Variants in EXOC4 observed in about 807,000 individuals in gnomAD.
EXOC4 encodes the protein SEC8-like 1.
In EXOC4, 71 loss-of-function variants were observed where a neutral mutation model predicts 107.2. The observed-to-expected ratio is 0.66, with a 90% CI of 0.55 to 0.81. The LOEUF (loss-of-function observed/expected upper bound fraction) is 0.81. Ranked by LOEUF, EXOC4 falls within the 30% of genes least tolerant of loss-of-function variation. The pLI is 0.00. For missense variants in EXOC4, 1,108 were observed against 1,189.6 expected, an observed-to-expected ratio of 0.93 and a Z score of 1.01; for synonymous variants, 456 against 441.2, an observed-to-expected ratio of 1.03 and a Z score of -0.42.
At chr7:133,870,380 A>G (rs1479555910) in intron 11 of EXOC4, among the ~76,000 whole-genome samples, 3 of 152,184 alleles carry the variant, frequency 2.0e-5, no homozygotes, top group East Asian at 1.9e-4. Context: ...GATTCTGGGG[A>G]AAACTTGAGT....
chr7:133,858,784 T>C (rs935845327), intron 11 of EXOC4, among the ~76,000 whole-genome samples: 5 of 152,158 alleles, frequency 3.3e-5, no homozygotes, highest in African/African-American at 1.2e-4. Flanking sequence ...CCAAAACCTA[T>C]AGAATTAAAT....
At chr7:133,886,186 A>G (rs1181569170) in intron 11 of EXOC4, among the ~76,000 whole-genome samples, 1 of 152,248 alleles carries the variant, frequency 6.6e-6, no homozygotes, top group Non-Finnish European at 1.5e-5. Flanking sequence ...TGAATACTGC[A>G]TTGGCCTCTT....
chr7:134,078,479 G>A, the EXOC4 span, among the ~76,000 whole-genome samples: 3 of 151,994 alleles, frequency 2.0e-5, no homozygotes, highest in Middle Eastern at 6.8e-3. Flanking sequence ...TTTTCCTTAG[G>A]AACTTTCTAT....
chr7:133,572,289 G>C (rs373196823), intron 9 of EXOC4, among the ~76,000 whole-genome samples: 1 of 152,114 alleles, frequency 6.6e-6, no homozygotes, highest in East Asian at 1.9e-4. Context: ...TCAGATTCTT[G>C]TCTGAAATGC....
chr7:133,528,292 A>G (rs1161023251), intron 9 of EXOC4, among the ~76,000 whole-genome samples: 3 of 152,188 alleles, frequency 2.0e-5, no homozygotes, highest in Non-Finnish European at 4.4e-5. Flanking sequence ...AAAGTCCTCT[A>G]GATTCGAGAG....
At chr7:133,412,738 A>C (rs978051951) in intron 7 of EXOC4, among the ~76,000 whole-genome samples, 2 of 152,144 alleles carry the variant, frequency 1.3e-5, no homozygotes, top group African/African-American at 2.4e-5. Context: ...AGAAAAAAGT[A>C]GTAATCATAG....
chr7:134,031,241 C>T (rs915679094), intron 17 of EXOC4, among the ~76,000 whole-genome samples: 22 of 152,152 alleles, frequency 1.4e-4, no homozygotes, highest in Admixed American at 1.3e-3. Context: ...TTGAATTTTA[C>T]ACTTTAAATT....
At chr7:133,532,080 T>C (rs1800191057) in intron 9 of EXOC4, among the ~76,000 whole-genome samples, 1 of 152,082 alleles carries the variant, frequency 6.6e-6, no homozygotes, top group African/African-American at 2.4e-5. Context: ...TTGTGTAGAA[T>C]TCTCTACTTG....
intron 9 of EXOC4, among the ~76,000 whole-genome samples, chr7:133,555,338 T>C (rs1003909852): frequency 3.3e-5 from 5 of 152,228 alleles, no homozygotes; most frequent in Non-Finnish European, 7.3e-5. Context: ...AGCTATATTT[T>C]TCTTTATAGT....
At chr7:133,813,134 G>A (rs756716247) in intron 10 of EXOC4, among the ~76,000 whole-genome samples, 7 of 152,066 alleles carry the variant, frequency 4.6e-5, no homozygotes, top group Non-Finnish European at 8.8e-5. Flanking sequence ...TATGCTTTAA[G>A]GAAAAAATGA....
intron 5 of EXOC4, among the ~76,000 whole-genome samples, chr7:133,344,641 C>T (rs1401328972): frequency 6.6e-6 from 1 of 152,096 alleles, no homozygotes; most frequent in East Asian, 1.9e-4. Context: ...TTTTTTATTT[C>T]CCAGAAGCTA....
intron 9 of EXOC4, among the ~76,000 whole-genome samples, chr7:133,584,549 A>G (rs1161970202): frequency 7.7e-6 from 1 of 130,456 alleles, no homozygotes; most frequent in Non-Finnish European, 1.7e-5. Flanking sequence ...ACTATTTTTC[A>G]GGCCTTTGTT....
chr7:133,604,721 T>C (rs1295469667), intron 9 of EXOC4, among the ~76,000 whole-genome samples: 14 of 109,520 alleles, frequency 1.3e-4, no homozygotes, highest in African/African-American at 4.6e-4. Flanking sequence ...TTTTTTTTTT[T>C]TTTTTTTTTT....
At chr7:133,311,734 A>G (rs778606866) in intron 4 of EXOC4, among the ~76,000 whole-genome samples, 2 of 152,222 alleles carry the variant, frequency 1.3e-5, no homozygotes, top group African/African-American at 2.4e-5. Context: ...AAATATATGT[A>G]TGTCATATAA....
At chr7:133,639,784 G>A (rs754383311) in intron 10 of EXOC4, among the ~76,000 whole-genome samples, 5 of 152,022 alleles carry the variant, frequency 3.3e-5, no homozygotes, top group Non-Finnish European at 7.4e-5. Flanking sequence ...TGAAAGAATA[G>A]TAATTTTGAC....
chr7:133,837,260 C>T (rs1797937522), intron 11 of EXOC4, among the ~76,000 whole-genome samples: 1 of 152,106 alleles, frequency 6.6e-6, no homozygotes, highest in Admixed American at 6.5e-5. Flanking sequence ...CTGGTGATCT[C>T]CTACTAACTT....
chr7:133,338,295 T>TAAA (rs1394911115), intron 5 of EXOC4, among the ~76,000 whole-genome samples: 1 of 151,670 alleles, frequency 6.6e-6, no homozygotes, highest in African/African-American at 2.4e-5. Context: ...ATTTTATTTT[T>TAAA]AAAAATTTTT....
intron 7 of EXOC4, among the ~76,000 whole-genome samples, chr7:133,434,774 G>A (rs1402429692): frequency 6.6e-6 from 1 of 152,140 alleles, no homozygotes; most frequent in African/African-American, 2.4e-5. Flanking sequence ...TCAGGATTGT[G>A]CTGTCATAAT....
intron 9 of EXOC4, among the ~76,000 whole-genome samples, chr7:133,559,667 G>A (rs1800770454): frequency 6.6e-6 from 1 of 152,142 alleles, no homozygotes; most frequent in South Asian, 2.1e-4. Context: ...TGTGCCTTGG[G>A]AACAACTATT....
Sources: gnomAD v4.1 joint callset for allele counts (sites outside exome capture counted in the v4.1 genomes callset) on GRCh38, gnomAD v4.1.1 for gene constraint, MANE v1.5 for transcripts, NCBI Gene and HGNC (gene_info 2026-07-23, HGNC 2026-07-21) for gene names.